AUTS2: variants seen among roughly 807,000 people sequenced by gnomAD.
AUTS2 encodes the protein activator of transcription and developmental regulator AUTS2, also known as autism susceptibility gene 2 protein.
Under a neutral mutation model 112.4 loss-of-function variants are expected in AUTS2, and 17 were observed. The observed-to-expected ratio is 0.15, with a 90% CI of 0.10 to 0.23. The LOEUF (loss-of-function observed/expected upper bound fraction) is 0.23. Among genes scored for constraint, AUTS2 ranks in the 10% least tolerant of loss-of-function variants. The pLI is 1.00. For synonymous variants in AUTS2, 751 were observed against 702.7 expected (o/e 1.07, Z -1.09); for missense variants, 1,510 against 1,701.6 (o/e 0.89, Z 1.98).
Position 69,801,464 on chromosome 7 carries a change from C to T in AUTS2, c.310-97822C>T, listed in dbSNP as rs527268766. ...ATGTATGTATATAAATAAGATATAC[C>T]TATATATAAAATATTTATACCTATA... On this transcript the variant is annotated intron_variant, in intron 1 of 18. Coordinates refer to ENST00000342771, the MANE Select transcript of AUTS2 (RefSeq NM_015570.4). 2.7e-5 allele frequency among the ~76,000 whole-genome samples: 4 copies of T among 147,374 alleles called. No individual in the cohort carries two copies. The South Asian group carries it at 8.7e-4, about 32-fold the overall frequency.
intron 4 of AUTS2, among the ~76,000 whole-genome samples, chr7:70,203,564 T>G (rs1030822255): frequency 6.8e-6 from 1 of 146,982 alleles, no homozygotes; most frequent in African/African-American, 2.5e-5. Context: ...AATCTAACAA[T>G]TACTTTAAGA....
chr7:70,469,309 AG>A (rs370574858), intron 5 of AUTS2, among the ~76,000 whole-genome samples: 31 of 152,300 alleles, frequency 2.0e-4, no homozygotes, highest in East Asian at 1.2e-3. Context: ...GCAAGGTGTG[AG>A]GGGGGTGCTA....
chr7:70,046,780 C>G (rs936423109), intron 2 of AUTS2, among the ~76,000 whole-genome samples: 4 of 152,072 alleles, frequency 2.6e-5, no homozygotes, highest in Non-Finnish European at 4.4e-5. Context: ...AATTTTGAGT[C>G]TTTGGAAGTT....
At chr7:69,682,199 A>G (rs1796827808) in intron 1 of AUTS2, among the ~76,000 whole-genome samples, 1 of 152,208 alleles carries the variant, frequency 6.6e-6, no homozygotes, top group South Asian at 2.1e-4. Flanking sequence ...GACTTTCTGA[A>G]GATACTATTT....
At chr7:70,111,621 T>C (rs1405026912) in intron 2 of AUTS2, among the ~76,000 whole-genome samples, 1 of 152,172 alleles carries the variant, frequency 6.6e-6, no homozygotes, top group Non-Finnish European at 1.5e-5. Flanking sequence ...TATTATTAAA[T>C]TTAATTTGCT....
chr7:70,588,690 T>C (rs1404069228), intron 5 of AUTS2, among the ~76,000 whole-genome samples: 1 of 152,174 alleles, frequency 6.6e-6, no homozygotes, highest in African/African-American at 2.4e-5. Context: ...TTATGGGACT[T>C]GTAGCCGTTT....
intron 4 of AUTS2, among the ~76,000 whole-genome samples, chr7:70,394,761 A>G (rs1794010391): frequency 6.6e-6 from 1 of 151,632 alleles, no homozygotes; most frequent in Non-Finnish European, 1.5e-5. Flanking sequence ...CTATTCTAGA[A>G]CCATAGTGTT....
rs114474382 is a variant in AUTS2 at position 69,991,623 on chromosome 7, C to T, written c.522+92125C>T. Among the ~76,000 whole-genome samples the T allele has an allele frequency of 3.0e-3, 451 of 152,160 alleles. 5 individuals carry two copies. Among genetic ancestry groups the T allele is most frequent in the African/African-American group, 0.01 (431 of 41,504 alleles). On this transcript the variant is annotated intron_variant, in intron 2 of 18. Transcript: ENST00000342771. Reference sequence around the variant, plus strand: ...ACCACATGACAAGAGAAGAAATAAACGTTAGACATATTTCTGGGAGCTTAG... The same window carrying T: ...ACCACATGACAAGAGAAGAAATAAATGTTAGACATATTTCTGGGAGCTTAG...
intron 6 of AUTS2, among the ~76,000 whole-genome samples, chr7:70,702,556 G>A (rs1220126991): frequency 2.6e-5 from 4 of 152,154 alleles, no homozygotes; most frequent in African/African-American, 9.7e-5. Context: ...TGAGCCATCG[G>A]GGAGCTGTGC....
chr7:69,794,326 G>A (rs1789745626), intron 1 of AUTS2, among the ~76,000 whole-genome samples: 1 of 152,162 alleles, frequency 6.6e-6, no homozygotes, highest in Admixed American at 6.5e-5. Flanking sequence ...GGTCAGAATG[G>A]TAGGAAGGTA....
intron 2 of AUTS2, among the ~76,000 whole-genome samples, chr7:70,083,134 G>T (rs1017491504): frequency 6.6e-6 from 1 of 152,088 alleles, no homozygotes; most frequent in African/African-American, 2.4e-5. Context: ...CTCTTTCCCT[G>T]ATGATTGTTT....
intron 2 of AUTS2, among the ~76,000 whole-genome samples, chr7:69,940,152 C>G (rs1338362973): frequency 6.6e-6 from 1 of 152,194 alleles, no homozygotes; most frequent in Admixed American, 6.5e-5. Flanking sequence ...TCACAACTTA[C>G]AAATAGCAGA....
Position 70,633,597 on chromosome 7 carries a change from CAA to C in AUTS2, c.691-64971_691-64970del, listed in dbSNP as rs1805382474. The stretch of plus-strand genomic sequence containing the variant: ...CTGCACTCTAGCCTGGGCCACAGAG[CAA>C]GACTCCGTCTCAAAAAAAAAAAAAA... On this transcript the variant is annotated intron_variant, in intron 5 of 18. Coordinates refer to ENST00000342771, the MANE Select transcript of AUTS2 (RefSeq NM_015570.4). Among the ~76,000 whole-genome samples, 16 of 68,680 alleles carry C rather than the reference CAA, an allele frequency of 2.3e-4. No individual in the cohort carries two copies. In the South Asian group the frequency reaches 0.012, roughly 50 times the overall value. 45.1% of individuals were successfully genotyped at this position (68,680 alleles called of 152,430 possible).
intron 1 of AUTS2, among the ~76,000 whole-genome samples, chr7:69,683,588 C>G (rs1260545804): frequency 1.3e-5 from 2 of 150,750 alleles, no homozygotes; most frequent in African/African-American, 4.9e-5. Flanking sequence ...TCTAAAAAAC[C>G]CCCAAAAACC....
intron 2 of AUTS2, among the ~76,000 whole-genome samples, chr7:69,949,027 G>C (rs950448029): frequency 6.6e-6 from 1 of 151,882 alleles, no homozygotes; most frequent in Non-Finnish European, 1.5e-5. Context: ...GGCTGGTCTC[G>C]AGCTCCTGAC....
intron 1 of AUTS2, among the ~76,000 whole-genome samples, chr7:69,831,600 C>A (rs1195841924): frequency 9.9e-5 from 15 of 151,832 alleles, no homozygotes; most frequent in Admixed American, 2.0e-4. Flanking sequence ...CTTCTGTAAG[C>A]CAGGACCCAA....
Position 70,436,129 on chromosome 7 carries a change from T to A in AUTS2, c.690+348T>A, listed in dbSNP as rs368753433. On this transcript the variant is annotated intron_variant, in intron 5 of 18. Transcript: ENST00000342771. Reference sequence around the variant, plus strand: ...AAAATCCATGATGAGAACGTTAAACTTGCTAGTTTGTGTTTATAATGTCAT... The same window carrying A: ...AAAATCCATGATGAGAACGTTAAACATGCTAGTTTGTGTTTATAATGTCAT... The A allele has an allele frequency of 1.3e-5, 3 of 224,090 alleles. No homozygotes were observed. In the East Asian group the frequency reaches 2.9e-4, roughly 21 times the overall value. 13.9% of individuals were successfully genotyped at this position (224,090 alleles called of 1,614,324 possible). A position where few individuals can be genotyped will look rare whatever the true frequency, so the allele number is the denominator to read the frequency against.
intron 9 of AUTS2, among the ~76,000 whole-genome samples, chr7:70,767,330 A>G (rs1265732021): frequency 6.6e-6 from 1 of 152,176 alleles, no homozygotes; most frequent in Non-Finnish European, 1.5e-5. Flanking sequence ...AATATTAGCA[A>G]TGAGGCCTTG....
intron 4 of AUTS2, among the ~76,000 whole-genome samples, chr7:70,351,763 G>A (rs1236832836): frequency 1.4e-5 from 2 of 140,906 alleles, no homozygotes; most frequent in African/African-American, 2.8e-5. Flanking sequence ...GTGCAGTGGT[G>A]TGATCTCGGC....
Sources: allele counts gnomAD v4.1 joint callset (sites outside exome capture counted in the v4.1 genomes callset), GRCh38; gene constraint gnomAD v4.1.1; transcripts MANE v1.5; gene names NCBI Gene and HGNC (gene_info 2026-07-23, HGNC 2026-07-21).